The following AGL variants were observed in gnomAD, a reference collection of about 807,000 sequenced individuals.
The protein encoded by AGL is amylo-alpha-1,6-glucosidase and 4-alpha-glucanotransferase.
A neutral mutation model predicts 199.3 loss-of-function variants in AGL; 128 were observed. The ratio of observed to expected loss-of-function variants is 0.64; its 90% CI spans 0.56 to 0.74. AGL has a LOEUF of 0.74. Ranked by LOEUF, AGL falls within the 30% of genes least tolerant of loss-of-function variation. The probability of loss-of-function intolerance (pLI) is 0.00; values close to 1 mark genes in which losing one functional copy is unlikely to be tolerated. For synonymous variants in AGL, 584 were observed against 594.7 expected, an observed-to-expected ratio of 0.98 and a Z score of 0.26; for missense variants, 1,809 against 1,820.8, an observed-to-expected ratio of 0.99 and a Z score of 0.12.
At chr1:99,880,157 G>A (rs1269185857) in intron 13 of AGL, 111 bp downstream of exon 13, 2 of 1,457,400 alleles carry the variant, frequency 1.4e-6, no homozygotes, top group Admixed American at 1.7e-5. Context: ...CACAGTTAAT[G>A]TTCTTCTAAA....
chr1:99,919,141 A>G (rs1213393853), intron 33 of AGL, among the ~76,000 whole-genome samples: 1 of 152,146 alleles, frequency 6.6e-6, no homozygotes, highest in Non-Finnish European at 1.5e-5. Context: ...CTGGATTCTC[A>G]GTTCAACTCA....
chr1:99,881,977 A>G (rs1003342226), intron 17 of AGL, among the ~76,000 whole-genome samples: 6 of 151,840 alleles, frequency 4.0e-5, no homozygotes, highest in Admixed American at 3.9e-4. Flanking sequence ...TATCAAAAAA[A>G]AAGTACAAAA....
At position 99,891,202 on chromosome 1, in the gene AGL, A is replaced by G. The variant is rs28730704; in HGVS notation, c.2813-18A>G. 5.0e-6 allele frequency: 8 copies of G among 1,613,222 alleles called. No homozygotes were observed. Among genetic ancestry groups the G allele is most frequent in the Non-Finnish European group, 5.9e-6 (7 of 1,179,492 alleles). On this transcript the variant is annotated intron_variant, in intron 21 of 33. Transcript: ENST00000361915. ...GATGCTACCAATAATACAGCATGAC[A>G]TGTCTCTGAATTTTCAGGTTTAATG... is the stretch of plus-strand genomic sequence containing the variant.
At position 99,875,347 on chromosome 1, in the gene AGL, A is replaced by T; in HGVS notation, c.1186-11A>T. 1.2e-6 allele frequency: 2 copies of T among 1,614,026 alleles called. No individual in the cohort carries two copies. Among genetic ancestry groups the T allele is most frequent in the Admixed American group, 1.7e-5 (1 of 60,016 alleles). ...GATGGTGATGATCTAACACAATTTA[A>T]TGTTTTTCAGGCAGTTAATTGCCTT... On this transcript the variant is annotated splice_polypyrimidine_tract_variant and intron_variant, in intron 9 of 33. Transcript: ENST00000361915.
Position 99,880,790 on chromosome 1 carries a change from A to T in AGL, c.1894A>T (p.Ile632Phe). The T allele has an allele frequency of 6.2e-7, 1 of 1,613,940 alleles. No individual in the cohort carries two copies. The highest frequency in any genetic ancestry group is 8.5e-7 in the Non-Finnish European group (1 of 1,179,884). Reference protein sequence around the residue: ...MDITHDNECPIVHRSAYDALP... With the variant: ...MDITHDNECPFVHRSAYDALP... ...TATTACGCATGATAATGAGTGTCCT[A>T]TTGTGGTAAGCACCTAATCTTTTTC... is the stretch of plus-strand genomic sequence containing the variant. Residue 632 changes from isoleucine (I) to phenylalanine (F), a missense_variant, in exon 14 of 34, where the codon ATT (isoleucine) becomes TTT (phenylalanine). Coordinates refer to ENST00000361915, the MANE Select transcript of AGL (RefSeq NM_000642.3).
chr1:99,915,061 A>C (rs977736584), intron 30 of AGL, among the ~76,000 whole-genome samples: 2 of 152,132 alleles, frequency 1.3e-5, no homozygotes, highest in Non-Finnish European at 2.9e-5. Flanking sequence ...GCCTGGTGAC[A>C]GAGTGAGACC....
Position 99,910,890 on chromosome 1 carries a change from A to T in AGL, c.3836+43A>T, listed in dbSNP as rs771256248. ...ATGCTGTGTAATTATACCCTTCTTT[A>T]AGAAAGCACTTACTTGTGGAATCTT... On this transcript the variant is annotated intron_variant, in intron 28 of 33. Coordinates refer to ENST00000361915, the MANE Select transcript of AGL (RefSeq NM_000642.3). 6 of 1,589,204 alleles carry T rather than the reference A, an allele frequency of 3.8e-6. No individual in the cohort carries two copies. The African/African-American group carries it at 6.7e-5, about 18-fold the overall frequency.
At chr1:99,867,799 A>G (rs1303144249) in intron 5 of AGL, among the ~76,000 whole-genome samples, 2 of 152,070 alleles carry the variant, frequency 1.3e-5, no homozygotes, top group Non-Finnish European at 2.9e-5. Flanking sequence ...TTGGCCTCCC[A>G]AAGCGTGAGC....
chr1:99,862,955 T>G lies in AGL; in HGVS notation c.460+532T>G, dbSNP rs185221667. ...TAGAACCATATTAAAAAAAAATTTT[T>G]TTTTTTTGAGACGGAGTATCACCCT... On this transcript the variant is annotated intron_variant, in intron 4 of 33. Transcript: ENST00000361915. Among the ~76,000 whole-genome samples the G allele has an allele frequency of 4.6e-4, 70 of 152,272 alleles. No homozygotes were observed. The East Asian group carries it at 0.013, about 28-fold the overall frequency.
At chr1:99,871,342 TGAC>T (rs1352422020) in intron 7 of AGL, among the ~76,000 whole-genome samples, 1 of 151,766 alleles carries the variant, frequency 6.6e-6, no homozygotes, top group Non-Finnish European at 1.5e-5. Context: ...AGCCAGATAT[TGAC>T]GAGATAACAA....
intron 25 of AGL, among the ~76,000 whole-genome samples, chr1:99,897,910 T>C (rs983285477): frequency 1.2e-4 from 18 of 152,238 alleles, no homozygotes; most frequent in African/African-American, 4.3e-4. Flanking sequence ...TATTAATGTT[T>C]AGGCTCCCAA....
intron 2 of AGL, among the ~76,000 whole-genome samples, chr1:99,856,908 A>T (rs906759065): frequency 6.6e-6 from 1 of 152,148 alleles, no homozygotes; most frequent in Non-Finnish European, 1.5e-5. Context: ...TTTCTATTCC[A>T]CAAAACCGCC....
intron 33 of AGL, 45 bp downstream of exon 33, chr1:99,916,776 A>G (rs1370447546): frequency 6.3e-7 from 1 of 1,587,684 alleles, no homozygotes. Flanking sequence ...GTGTTTAGTC[A>G]GTTTATTAGC....
intron 30 of AGL, 47 bp from the exon 31 acceptor site, chr1:99,915,342 C>A: frequency 6.9e-7 from 1 of 1,448,806 alleles, no homozygotes; most frequent in Non-Finnish European, 9.7e-7. Context: ...GGAACTAATT[C>A]TTCTGTGATC....
intron 2 of AGL, among the ~76,000 whole-genome samples, chr1:99,857,272 C>T (rs1213772069): frequency 6.6e-6 from 1 of 151,894 alleles, no homozygotes; most frequent in Non-Finnish European, 1.5e-5. Flanking sequence ...GGCAGAGACG[C>T]TCCTCACTTC....
chr1:99,889,985 A>G (rs961541994), intron 21 of AGL, among the ~76,000 whole-genome samples: 1 of 152,152 alleles, frequency 6.6e-6, no homozygotes, highest in Admixed American at 6.6e-5. Flanking sequence ...AACAAAATGT[A>G]TTTCCCTCCT....
intron 2 of AGL, among the ~76,000 whole-genome samples, chr1:99,857,847 A>AGAGGGAGACCGTGGGGGGGGGGTGGGGGG (rs1557743553): frequency 1.2e-4 from 1 of 8,222 alleles, no homozygotes; most frequent in Non-Finnish European, 2.4e-4. Flanking sequence ...GGGGAGGGGG[A>AGAGGGAGACCGTGGGGGGGGGGTGGGGGG]GGGGGGAAGA....
intron 27 of AGL, among the ~76,000 whole-genome samples, chr1:99,906,251 G>T (rs1654282940): frequency 6.6e-6 from 1 of 152,024 alleles, no homozygotes; most frequent in Non-Finnish European, 1.5e-5. Context: ...TTTGTACCTG[G>T]CTTATTTCAC....
intron 25 of AGL, among the ~76,000 whole-genome samples, chr1:99,897,695 G>C (rs1294079347): frequency 1.3e-5 from 2 of 152,200 alleles, no homozygotes; most frequent in South Asian, 4.1e-4. Context: ...ATTCAGCATA[G>C]TATAGTGGTT....
Sources: allele counts gnomAD v4.1 joint callset (sites outside exome capture counted in the v4.1 genomes callset), GRCh38; gene constraint gnomAD v4.1.1; transcripts MANE v1.5; gene names NCBI Gene and HGNC (gene_info 2026-07-23, HGNC 2026-07-21).